The following ELAVL2 variants were observed in gnomAD, a reference collection of about 807,000 sequenced individuals.
ELAVL2 encodes the protein ELAV like RNA binding protein 2.
ELAVL2 carries 4 observed loss-of-function variants against 34.6 expected under a neutral mutation model. The observed-to-expected ratio is 0.12, with a 90% CI of 0.06 to 0.26. ELAVL2 has a LOEUF of 0.26. Among genes scored for constraint, ELAVL2 ranks in the 10% least tolerant of loss-of-function variants. The probability of loss-of-function intolerance (pLI) is 1.00; values close to 1 mark genes in which losing one functional copy is unlikely to be tolerated. For missense variants in ELAVL2, 432 were observed against 442.8 expected (o/e 0.98, Z 0.22); for synonymous variants, 193 against 154.8 (o/e 1.25, Z -1.83).
intron 1 of ELAVL2, among the ~76,000 whole-genome samples, chr9:23,811,087 T>C (rs1414749886): frequency 1.3e-5 from 2 of 152,176 alleles, no homozygotes; most frequent in African/African-American, 4.8e-5. Context: ...CCAAAACAGA[T>C]GTCTTCACTC....
intron 1 of ELAVL2, among the ~76,000 whole-genome samples, chr9:23,769,822 A>G (rs528312736): frequency 1.3e-5 from 2 of 152,168 alleles, no homozygotes; most frequent in South Asian, 4.1e-4. Context: ...TATGACTTCT[A>G]CGGACAAAGT....
At chr9:23,805,565 C>T (rs1350564806) in intron 1 of ELAVL2, among the ~76,000 whole-genome samples, 1 of 152,176 alleles carries the variant, frequency 6.6e-6, no homozygotes, top group Non-Finnish European at 1.5e-5. Flanking sequence ...GCTACTGTAC[C>T]TTGGGCTTGT....
At chr9:23,795,253 T>C (rs1354933102) in intron 1 of ELAVL2, among the ~76,000 whole-genome samples, 2 of 152,220 alleles carry the variant, frequency 1.3e-5, no homozygotes, top group African/African-American at 4.8e-5. Context: ...ATTTAAGAAA[T>C]GGAGAAAATG....
At chr9:23,789,613 T>C (rs2060102731) in intron 1 of ELAVL2, among the ~76,000 whole-genome samples, 1 of 152,158 alleles carries the variant, frequency 6.6e-6, no homozygotes, top group African/African-American at 2.4e-5. Context: ...CCTTATTTTG[T>C]CTTAAGATGA....
chr9:23,762,993 T>A (rs10966073), intron 1 of ELAVL2, among the ~76,000 whole-genome samples: 5 of 152,050 alleles, frequency 3.3e-5, no homozygotes, highest in Non-Finnish European at 7.4e-5. Flanking sequence ...ACCAACAAGG[T>A]GACTGATCTA....
intron 4 of ELAVL2, among the ~76,000 whole-genome samples, chr9:23,703,237 G>A (rs2038086294): frequency 6.6e-6 from 1 of 152,148 alleles, no homozygotes; most frequent in Non-Finnish European, 1.5e-5. Flanking sequence ...TTGTGTCATA[G>A]GTGAAACCTA....
At chr9:23,771,574 A>G (rs1279754539) in intron 1 of ELAVL2, among the ~76,000 whole-genome samples, 1 of 152,174 alleles carries the variant, frequency 6.6e-6, no homozygotes, top group Non-Finnish European at 1.5e-5. Flanking sequence ...AGCTTCTTAA[A>G]GAATCAACTG....
rs199637833 is a variant in ELAVL2, at chr9:23,699,812, G to GTTTTTTT, written c.713+1560_713+1566dup. ...CCATGGGAAGTCAAAGGTGGCAAAG[G>GTTTTTTT]TTTTTTTTTTTTTTTTTTTTTTTTT... is the stretch of plus-strand genomic sequence containing the variant. On this transcript the variant is annotated intron_variant, in intron 5 of 6. Transcript: ENST00000397312. 3.1e-3 allele frequency among the ~76,000 whole-genome samples: 261 copies of GTTTTTTT among 82,960 alleles called. 22 individuals carry two copies. The highest frequency in any genetic ancestry group is 4.2e-3 in the Non-Finnish European group (178 of 42,720). The allele number at this position is 82,960 out of a possible 152,430, so 54.4% of individuals were successfully genotyped here.
intron 5 of ELAVL2, among the ~76,000 whole-genome samples, chr9:23,700,248 G>A (rs1174797926): frequency 1.3e-5 from 2 of 152,150 alleles, no homozygotes; most frequent in African/African-American, 4.8e-5. Context: ...GGGTTAGATA[G>A]CATTCTGGGT....
chr9:23,762,573 C>T (rs932327647), intron 1 of ELAVL2, among the ~76,000 whole-genome samples: 1 of 151,914 alleles, frequency 6.6e-6, no homozygotes, highest in African/African-American at 2.4e-5. Context: ...AAATCAAGTA[C>T]CAAAGGGCAC....
chr9:23,724,801 AT>A (rs2044653849), intron 3 of ELAVL2, among the ~76,000 whole-genome samples: 1 of 152,056 alleles, frequency 6.6e-6, no homozygotes, highest in Non-Finnish European at 1.5e-5. Context: ...GTCAGTCTGT[AT>A]TTTTTAAAAG....
chr9:23,693,527 TC>T (rs1300818787), intron 5 of ELAVL2, 41 bp from the exon 6 acceptor site: 1 of 1,613,430 alleles, frequency 6.2e-7, no homozygotes, highest in Admixed American at 1.7e-5. Flanking sequence ...TTTTAATTTT[TC>T]CCCTTGATGT....
In ELAVL2 at chr9:23,762,200, T is replaced by A; in HGVS notation, c.35A>T (p.Asn12Ile). Residue 12 changes from asparagine (N) to isoleucine (I), a missense_variant, in exon 2 of 7, where the codon AAT becomes ATT. By Grantham distance (149) the Asn-to-Ile change is moderately radical. Coordinates refer to ENST00000397312, the MANE Select transcript of ELAVL2 (RefSeq NM_004432.5). ...GGTGGTTGGACCATTGGCTGTGTTA[T>A]TGCAAGTTGGCCCATTAGACAGTTG... ...ETQLSNGPTC[N>I]NTANGPTTIN... 6.2e-7 allele frequency: 1 copy of A among 1,613,598 alleles called. No homozygotes were observed. The highest frequency in any genetic ancestry group is 8.5e-7 in the Non-Finnish European group (1 of 1,179,618).
chr9:23,759,991 T>A (rs2054581412), intron 2 of ELAVL2, among the ~76,000 whole-genome samples: 1 of 151,452 alleles, frequency 6.6e-6, no homozygotes, highest in African/African-American at 2.4e-5. Context: ...ATGAGAAATA[T>A]TTACACAGTT....
chr9:23,810,929 T>C (rs764684641), intron 1 of ELAVL2, among the ~76,000 whole-genome samples: 9 of 152,318 alleles, frequency 5.9e-5, no homozygotes, highest in East Asian at 5.8e-4. Flanking sequence ...ATCTTCCTAA[T>C]GGTAAGTCAA....
At chr9:23,780,374 A>C (rs190221965) in intron 1 of ELAVL2, among the ~76,000 whole-genome samples, 259 of 152,284 alleles carry the variant, frequency 1.7e-3, no homozygotes, top group Admixed American at 2.5e-3. Context: ...TGGACATTCA[A>C]TTGTTATTAA....
chr9:23,718,478 C>T (rs1288606694), intron 3 of ELAVL2, among the ~76,000 whole-genome samples: 2 of 152,070 alleles, frequency 1.3e-5, no homozygotes, highest in Non-Finnish European at 2.9e-5. Flanking sequence ...AGAAACTGTA[C>T]CAGTTTTTTA....
chr9:23,840,945 A>G, the ELAVL2 span, among the ~76,000 whole-genome samples: 1 of 152,174 alleles, frequency 6.6e-6, no homozygotes, highest in Non-Finnish European at 1.5e-5. Context: ...AAAAATATAC[A>G]CGTTGGACTG....
chr9:23,845,498 A>T, the ELAVL2 span, among the ~76,000 whole-genome samples: 1 of 151,794 alleles, frequency 6.6e-6, no homozygotes, highest in Admixed American at 6.6e-5. Context: ...GTTTTTCCAA[A>T]ATCAAAGTGA....
Sources: gnomAD v4.1 joint callset for allele counts (sites outside exome capture counted in the v4.1 genomes callset) on GRCh38, gnomAD v4.1.1 for gene constraint, MANE v1.5 for transcripts, NCBI Gene and HGNC (gene_info 2026-07-23, HGNC 2026-07-21) for gene names.